Variants in VWC2L observed in about 807,000 individuals in gnomAD.
The protein encoded by VWC2L is von Willebrand factor C domain-containing protein 2-like.
Under a neutral mutation model 21.6 loss-of-function variants are expected in VWC2L, and 10 were observed. That is an observed-to-expected ratio of 0.46 (90% CI 0.29 to 0.78). The LOEUF (loss-of-function observed/expected upper bound fraction) is 0.78. VWC2L is among the 30% of genes least tolerant of loss of function. The pLI is 0.10. For missense variants in VWC2L, 209 were observed against 277.1 expected (o/e 0.75, Z 1.74); for synonymous variants, 96 against 94.3 (o/e 1.02, Z -0.10).
At chr2:214,535,017 A>C (rs1279295118) in intron 3 of VWC2L, among the ~76,000 whole-genome samples, 3 of 152,098 alleles carry the variant, frequency 2.0e-5, no homozygotes, top group Admixed American at 6.6e-5. Flanking sequence ...ATACTGCAAA[A>C]ACGGATAGGC....
intron 3 of VWC2L, among the ~76,000 whole-genome samples, chr2:214,557,230 G>A (rs902399757): frequency 1.3e-5 from 2 of 152,052 alleles, no homozygotes; most frequent in Non-Finnish European, 1.5e-5. Flanking sequence ...TCACAATCAC[G>A]GCAGAAGGCA....
At chr2:214,498,463 G>A (rs1191468565) in intron 3 of VWC2L, among the ~76,000 whole-genome samples, 1 of 151,912 alleles carries the variant, frequency 6.6e-6, no homozygotes, top group Non-Finnish European at 1.5e-5. Flanking sequence ...CTTGTCTCTA[G>A]GTATGCTTGA....
chr2:214,446,021 T>C (rs555051736), intron 3 of VWC2L, among the ~76,000 whole-genome samples: 2 of 152,346 alleles, frequency 1.3e-5, no homozygotes, highest in East Asian at 3.9e-4. Context: ...TTCACTTAAG[T>C]ATATCCATTT....
chr2:214,517,116 A>T (rs1689155937), intron 3 of VWC2L, among the ~76,000 whole-genome samples: 1 of 152,162 alleles, frequency 6.6e-6, no homozygotes, highest in African/African-American at 2.4e-5. Flanking sequence ...AGTGACCTCC[A>T]TGTTTCTAAA....
At chr2:214,505,649 C>T (rs1234841398) in intron 3 of VWC2L, among the ~76,000 whole-genome samples, 1 of 151,912 alleles carries the variant, frequency 6.6e-6, no homozygotes, top group Non-Finnish European at 1.5e-5. Context: ...ATTGAGTTAC[C>T]ACAGAAAATG....
chr2:214,532,482 T>G (rs1014939540), intron 3 of VWC2L, among the ~76,000 whole-genome samples: 1 of 152,288 alleles, frequency 6.6e-6, no homozygotes, highest in East Asian at 1.9e-4. Context: ...CTCACCTTTC[T>G]TTTTAACAGT....
chr2:214,510,946 C>T (rs1163894950), intron 3 of VWC2L, among the ~76,000 whole-genome samples: 3 of 152,154 alleles, frequency 2.0e-5, no homozygotes, highest in African/African-American at 7.2e-5. Flanking sequence ...AGGAAGATTA[C>T]AATGAATGTA....
intron 3 of VWC2L, among the ~76,000 whole-genome samples, chr2:214,505,415 G>GTT (rs932937862): frequency 2.6e-5 from 4 of 152,004 alleles, no homozygotes; most frequent in Non-Finnish European, 5.9e-5. Context: ...GCAGTTTTGG[G>GTT]TTTTTTTTAA....
intron 2 of VWC2L, among the ~76,000 whole-genome samples, chr2:214,423,838 A>T (rs1702477874): frequency 6.6e-6 from 1 of 152,134 alleles, no homozygotes; most frequent in Non-Finnish European, 1.5e-5. Context: ...TTATACTTGG[A>T]TGTAACAAAG....
At chr2:214,433,566 A>C (rs914115489) in intron 2 of VWC2L, among the ~76,000 whole-genome samples, 1 of 152,202 alleles carries the variant, frequency 6.6e-6, no homozygotes, top group African/African-American at 2.4e-5. Context: ...ACATGGAACA[A>C]CCCAATAAAA....
At chr2:214,526,458 A>G (rs1689339335) in intron 3 of VWC2L, among the ~76,000 whole-genome samples, 1 of 152,196 alleles carries the variant, frequency 6.6e-6, no homozygotes, top group Non-Finnish European at 1.5e-5. Context: ...AAAATAAGTG[A>G]CACAATTACA....
At chr2:214,468,503 T>C (rs1327708372) in intron 3 of VWC2L, among the ~76,000 whole-genome samples, 1 of 152,212 alleles carries the variant, frequency 6.6e-6, no homozygotes, top group Non-Finnish European at 1.5e-5. Context: ...TTTCTAATTA[T>C]GCTTTTCAGC....
chr2:214,520,663 G>C (rs913940228), intron 3 of VWC2L, among the ~76,000 whole-genome samples: 2 of 152,118 alleles, frequency 1.3e-5, no homozygotes, highest in Non-Finnish European at 2.9e-5. Context: ...TCTCACACTT[G>C]CCAGCATCAA....
intron 3 of VWC2L, among the ~76,000 whole-genome samples, chr2:214,437,470 C>T (rs1029558850): frequency 1.3e-5 from 2 of 152,058 alleles, no homozygotes; most frequent in South Asian, 2.1e-4. Flanking sequence ...CCCAAGATAG[C>T]GCATCAACAA....
At chr2:214,497,389 C>G (rs772382293) in intron 3 of VWC2L, among the ~76,000 whole-genome samples, 9 of 152,134 alleles carry the variant, frequency 5.9e-5, no homozygotes, top group Non-Finnish European at 8.8e-5. Flanking sequence ...TTCAAACTAT[C>G]CTCTCTTGCC....
At chr2:214,431,770 A>C (rs1702604238) in intron 2 of VWC2L, among the ~76,000 whole-genome samples, 1 of 152,226 alleles carries the variant, frequency 6.6e-6, no homozygotes, top group South Asian at 2.1e-4. Flanking sequence ...GATACACATT[A>C]TAAAATGAGA....
At chr2:214,531,044 T>A (rs1488533902) in intron 3 of VWC2L, among the ~76,000 whole-genome samples, 1 of 152,224 alleles carries the variant, frequency 6.6e-6, no homozygotes, top group Non-Finnish European at 1.5e-5. Flanking sequence ...GATATTTCCA[T>A]CTTCATCCTT....
chr2:214,575,657 A>G lies in VWC2L; in HGVS notation c.521-15A>G. The G allele has an allele frequency of 1.2e-6, 2 of 1,612,530 alleles. No individual in the cohort carries two copies. The highest frequency in any genetic ancestry group is 1.7e-6 in the Non-Finnish European group (2 of 1,178,848). On this transcript the variant is annotated splice_polypyrimidine_tract_variant and intron_variant, in intron 3 of 3. Coordinates refer to ENST00000312504, the MANE Select transcript of VWC2L (RefSeq NM_001080500.4). ...TCAGATTTAATCAACTAATCAATGT[A>G]TCTGTGTGTTTCAGGTCCAAACTGC...
rs183312332 is a variant in VWC2L, at chr2:214,576,102, T to C, written c.*282T>C. ...GATTGCTGGAACAAAAAGAAAGAAA[T>C]AGCCTTGCACAGGCTCCTTCCCTGG... On this transcript the variant is annotated 3_prime_UTR_variant, in exon 4 of 4. Coordinates refer to ENST00000312504, the MANE Select transcript of VWC2L (RefSeq NM_001080500.4). 3.4e-4 allele frequency: 68 copies of C among 199,602 alleles called. 1 individual carries two copies. Among genetic ancestry groups the C allele is most frequent in the Middle Eastern group, 1.9e-3 (1 of 536 alleles). The allele number at this position is 199,602 out of a possible 1,614,324, so 12.4% of individuals were successfully genotyped here. A position where few individuals can be genotyped will look rare whatever the true frequency, so the allele number is the denominator to read the frequency against.
Sources: allele counts gnomAD v4.1 joint callset (sites outside exome capture counted in the v4.1 genomes callset), GRCh38; gene constraint gnomAD v4.1.1; transcripts MANE v1.5; gene names NCBI Gene and HGNC (gene_info 2026-07-23, HGNC 2026-07-21).